Variants in B3GALT1 observed in about 807,000 individuals in gnomAD.
B3GALT1 encodes beta-1,3-galactosyltransferase 1, also known as UDP-Gal:betaGlcNAc beta 1,3-galactosyltransferase, polypeptide 1.
A neutral mutation model predicts 23.2 loss-of-function variants in B3GALT1; 10 were observed. The observed-to-expected ratio is 0.43, with a 90% CI of 0.27 to 0.73. B3GALT1 has a LOEUF of 0.73. Ranked by LOEUF, B3GALT1 falls within the 30% of genes least tolerant of loss-of-function variation. The pLI, the probability that B3GALT1 is intolerant of heterozygous loss-of-function variation, is 0.21. For synonymous variants in B3GALT1, 156 were observed against 141.5 expected, an observed-to-expected ratio of 1.10 and a Z score of -0.73; for missense variants, 299 against 405.4, an observed-to-expected ratio of 0.74 and a Z score of 2.25.
At chr2:167,438,970 G>A (rs1698833760) in intron 1 of B3GALT1, among the ~76,000 whole-genome samples, 1 of 152,194 alleles carries the variant, frequency 6.6e-6, no homozygotes. Flanking sequence ...ATCTAAAAGT[G>A]AGCAAATGAG....
At chr2:167,582,250 C>T (rs1344127274) in intron 2 of B3GALT1, among the ~76,000 whole-genome samples, 1 of 152,090 alleles carries the variant, frequency 6.6e-6, no homozygotes, top group African/African-American at 2.4e-5. Context: ...TTCAAACTCA[C>T]CCTGAAGCAA....
At chr2:167,467,503 C>T (rs1476264592) in intron 1 of B3GALT1, among the ~76,000 whole-genome samples, 2 of 152,114 alleles carry the variant, frequency 1.3e-5, no homozygotes, top group African/African-American at 2.4e-5. Flanking sequence ...AAACTGTTGG[C>T]TGCTGATTTT....
intron 2 of B3GALT1, among the ~76,000 whole-genome samples, chr2:167,561,192 T>A (rs1683980098): frequency 6.6e-6 from 1 of 152,132 alleles, no homozygotes; most frequent in Admixed American, 6.5e-5. Flanking sequence ...AACAACCTGC[T>A]CCTGAATGAC....
At chr2:167,614,123 T>C (rs147252427) in intron 2 of B3GALT1, among the ~76,000 whole-genome samples, 1 of 151,918 alleles carries the variant, frequency 6.6e-6, no homozygotes, top group African/African-American at 2.4e-5. Context: ...ATTACTATTA[T>C]TTGTGCATAA....
At position 167,322,260 on chromosome 2, in the gene B3GALT1, T is replaced by C. The variant is rs1574032006; in HGVS notation, c.-511+28926T>C. ...GATAAAATTGTCCCATAATTTCCAATTAGAACATTCCTAAAAATATATTTA... is the reference window on the plus strand; with the variant it reads ...GATAAAATTGTCCCATAATTTCCAACTAGAACATTCCTAAAAATATATTTA... On this transcript the variant is annotated intron_variant, in intron 1 of 4. Coordinates refer to ENST00000392690, the MANE Select transcript of B3GALT1 (RefSeq NM_020981.4). 2.0e-5 allele frequency among the ~76,000 whole-genome samples: 3 copies of C among 151,802 alleles called. No homozygotes were observed. In the East Asian group the frequency reaches 5.8e-4, roughly 29 times the overall value.
At chr2:167,762,259 T>C (rs866938157) in intron 3 of B3GALT1, among the ~76,000 whole-genome samples, 5 of 152,290 alleles carry the variant, frequency 3.3e-5, no homozygotes, top group African/African-American at 1.2e-4. Flanking sequence ...GAAAATAAGA[T>C]TTAAAACAAT....
chr2:167,774,522 G>C (rs1688129569), intron 3 of B3GALT1, among the ~76,000 whole-genome samples: 1 of 108,446 alleles, frequency 9.2e-6, no homozygotes, highest in Non-Finnish European at 1.7e-5. Flanking sequence ...TTTGGAGACA[G>C]AGTCTTGCTC....
At chr2:167,379,206 A>G (rs1697806435) in intron 1 of B3GALT1, among the ~76,000 whole-genome samples, 1 of 152,010 alleles carries the variant, frequency 6.6e-6, no homozygotes, top group South Asian at 2.1e-4. Flanking sequence ...ACTACTAAAC[A>G]CCTATAAAAC....
chr2:167,342,599 AAAAG>A (rs1368774731), intron 1 of B3GALT1, among the ~76,000 whole-genome samples: 283 of 152,002 alleles, frequency 1.9e-3, no homozygotes, highest in African/African-American at 6.3e-3. Context: ...CAAAAAAAAA[AAAAG>A]AAAAAAAAAC....
chr2:167,512,592 G>GTGTATATATATGTGTATATATATATA lies in B3GALT1; in HGVS notation c.-410+22326_-410+22327insGTGTATATATATATATGTATATATAT, dbSNP rs1700032951. 7.6e-5 allele frequency among the ~76,000 whole-genome samples: 3 copies of GTGTATATATATGTGTATATATATATA among 39,610 alleles called. 1 individual carries two copies. The highest frequency in any genetic ancestry group is 5.7e-4 in the African/African-American group (3 of 5,250). 26.0% of individuals were successfully genotyped at this position (39,610 alleles called of 152,430 possible). A position where few individuals can be genotyped will look rare whatever the true frequency, so the allele number is the denominator to read the frequency against. On this transcript the variant is annotated intron_variant, in intron 2 of 4. Coordinates refer to ENST00000392690, the MANE Select transcript of B3GALT1 (RefSeq NM_020981.4). ...TGTATATATATATGTATATATATAT[G>GTGTATATATATGTGTATATATATATA]TGTATATATATATATGTATATATAT... is the stretch of plus-strand genomic sequence containing the variant.
intron 1 of B3GALT1, among the ~76,000 whole-genome samples, chr2:167,414,940 C>T (rs953125661): frequency 3.3e-5 from 5 of 152,184 alleles, no homozygotes; most frequent in East Asian, 1.9e-4. Context: ...ACTTAATGTA[C>T]GTTAATGCTT....
chr2:167,844,287 T>G (rs1689709366), intron 4 of B3GALT1, among the ~76,000 whole-genome samples: 1 of 152,180 alleles, frequency 6.6e-6, no homozygotes. Context: ...CAGAGCAGCA[T>G]GCAGAGACTC....
intron 3 of B3GALT1, among the ~76,000 whole-genome samples, chr2:167,703,956 C>T (rs539654072): frequency 8.3e-4 from 126 of 152,058 alleles, no homozygotes; most frequent in Middle Eastern, 6.8e-3. Flanking sequence ...CCAAGGCGGG[C>T]GGATCACGAG....
intron 2 of B3GALT1, among the ~76,000 whole-genome samples, chr2:167,565,951 C>T (rs1684155248): frequency 6.6e-6 from 1 of 152,036 alleles, no homozygotes; most frequent in African/African-American, 2.4e-5. Context: ...GGCGATTCCT[C>T]AGGGATGTAG....
intron 4 of B3GALT1, among the ~76,000 whole-genome samples, chr2:167,861,024 T>C (rs936442745): frequency 6.6e-6 from 1 of 152,182 alleles, no homozygotes; most frequent in African/African-American, 2.4e-5. Context: ...AAAATTAAAA[T>C]GTAAAGGAGT....
At chr2:167,809,095 A>C (rs1237731171) in intron 3 of B3GALT1, among the ~76,000 whole-genome samples, 1 of 152,134 alleles carries the variant, frequency 6.6e-6, no homozygotes, top group Non-Finnish European at 1.5e-5. Context: ...AGGCTTGTGC[A>C]TTCGTCACGT....
chr2:167,305,550 G>T (rs1696538586), intron 1 of B3GALT1, among the ~76,000 whole-genome samples: 3 of 152,140 alleles, frequency 2.0e-5, no homozygotes. Flanking sequence ...CTGTGAAAAT[G>T]TATGTGTATT....
At chr2:167,400,351 C>G (rs950711911) in intron 1 of B3GALT1, among the ~76,000 whole-genome samples, 2 of 152,004 alleles carry the variant, frequency 1.3e-5, no homozygotes, top group African/African-American at 4.8e-5. Context: ...CTCTGTCTTC[C>G]TTTTCCTAAA....
chr2:167,415,183 T>C (rs963420702), intron 1 of B3GALT1, among the ~76,000 whole-genome samples: 3 of 152,194 alleles, frequency 2.0e-5, no homozygotes, highest in South Asian at 2.1e-4. Flanking sequence ...GAAGAAGTCA[T>C]TGGGTCCTGA....
Sources: gnomAD v4.1 joint callset for allele counts (sites outside exome capture counted in the v4.1 genomes callset) on GRCh38, gnomAD v4.1.1 for gene constraint, MANE v1.5 for transcripts, NCBI Gene and HGNC (gene_info 2026-07-23, HGNC 2026-07-21) for gene names.